Variants in SPAG16 observed in about 807,000 individuals in gnomAD.
The protein encoded by SPAG16 is sperm-associated antigen 16 protein.
A neutral mutation model predicts 80.4 loss-of-function variants in SPAG16; 86 were observed. The ratio of observed to expected loss-of-function variants is 1.07; its 90% CI spans 0.90 to 1.28. The LOEUF is 1.28. Among genes scored for constraint, SPAG16 ranks in the 50% most tolerant of loss-of-function variants. SPAG16 has a pLI of 0.00. For synonymous variants in SPAG16, 294 were observed against 265.9 expected, an observed-to-expected ratio of 1.11 and a Z score of -1.03; for missense variants, 870 against 765.3, an observed-to-expected ratio of 1.14 and a Z score of -1.61.
chr2:214,222,791 T>C (rs2058611828), intron 15 of SPAG16, among the ~76,000 whole-genome samples: 1 of 152,146 alleles, frequency 6.6e-6, no homozygotes, highest in Admixed American at 6.6e-5. Context: ...CACTTTAAAA[T>C]TGACTGGGAG....
At chr2:213,478,920 G>T (rs2073582590) in intron 9 of SPAG16, among the ~76,000 whole-genome samples, 2 of 151,958 alleles carry the variant, frequency 1.3e-5, no homozygotes, top group African/African-American at 4.8e-5. Flanking sequence ...ATAAATCAAG[G>T]ATAAGGATAG....
At chr2:213,453,907 A>C (rs2125586057) in intron 9 of SPAG16, among the ~76,000 whole-genome samples, 1 of 152,344 alleles carries the variant, frequency 6.6e-6, no homozygotes, top group Non-Finnish European at 1.5e-5. Context: ...TTCAATATTA[A>C]AAAGCAAATT....
chr2:213,689,785 T>C (rs1401799437), intron 10 of SPAG16, among the ~76,000 whole-genome samples: 3 of 152,178 alleles, frequency 2.0e-5, no homozygotes, highest in Non-Finnish European at 2.9e-5. Context: ...TTTACAGATG[T>C]CTGGAATTTT....
intron 10 of SPAG16, among the ~76,000 whole-genome samples, chr2:213,739,201 G>A (rs370170281): frequency 2.0e-5 from 3 of 152,080 alleles, no homozygotes; most frequent in South Asian, 2.1e-4. Flanking sequence ...TATTTCCCAC[G>A]TAGCCTCAGT....
intron 10 of SPAG16, among the ~76,000 whole-genome samples, chr2:213,726,249 C>T (rs2066765459): frequency 6.6e-6 from 1 of 152,210 alleles, no homozygotes; most frequent in Admixed American, 6.5e-5. Flanking sequence ...TCTCTCTCAT[C>T]CCTAGCATTG....
chr2:214,350,753 C>T (rs1040570771), intron 15 of SPAG16, among the ~76,000 whole-genome samples: 3 of 152,044 alleles, frequency 2.0e-5, no homozygotes, highest in Admixed American at 6.6e-5. Flanking sequence ...TAATAAGCTC[C>T]TAGAAGCCTA....
intron 10 of SPAG16, among the ~76,000 whole-genome samples, chr2:213,701,229 G>A (rs1332723888): frequency 6.8e-6 from 1 of 147,468 alleles, no homozygotes; most frequent in East Asian, 2.0e-4. Context: ...GACAGAGAGA[G>A]ATTCCATCTA....
chr2:213,431,209 C>G (rs371617662), intron 9 of SPAG16, among the ~76,000 whole-genome samples: 2 of 151,810 alleles, frequency 1.3e-5, no homozygotes, highest in East Asian at 3.9e-4. Context: ...TCCACCAAAC[C>G]AGAAAGACAA....
intron 14 of SPAG16, among the ~76,000 whole-genome samples, chr2:214,141,959 G>A (rs1486510687): frequency 6.6e-6 from 1 of 151,908 alleles, no homozygotes; most frequent in Non-Finnish European, 1.5e-5. Flanking sequence ...TTACACCTTT[G>A]GATACTGCTG....
intron 10 of SPAG16, among the ~76,000 whole-genome samples, chr2:213,803,299 A>C (rs1236181459): frequency 1.3e-5 from 2 of 152,192 alleles, no homozygotes; most frequent in Non-Finnish European, 2.9e-5. Context: ...ACTCAAGATT[A>C]CCCTACTAAA....
At chr2:214,145,078 A>G (rs1348322007) in intron 14 of SPAG16, among the ~76,000 whole-genome samples, 2 of 152,120 alleles carry the variant, frequency 1.3e-5, no homozygotes, top group African/African-American at 4.8e-5. Context: ...ATATGTTTAT[A>G]TTAAGGAATA....
chr2:214,108,562 C>A lies in SPAG16; in HGVS notation c.1593+301C>A, dbSNP rs116761479. Among the ~76,000 whole-genome samples, 1,372 of 151,650 alleles carry A rather than the reference C, an allele frequency of 9.0e-3. 23 individuals are homozygous for A. Among genetic ancestry groups the A allele is most frequent in the African/African-American group, 0.031 (1,295 of 41,340 alleles). On this transcript the variant is annotated intron_variant, in intron 14 of 15. Coordinates refer to ENST00000331683, the MANE Select transcript of SPAG16 (RefSeq NM_024532.5). ...TTTACTTAAACACATTTTTAAGAGCCTTTTGTCCAATTTGGGCTTCAAAAA... is the reference window on the plus strand; with the variant it reads ...TTTACTTAAACACATTTTTAAGAGCATTTTGTCCAATTTGGGCTTCAAAAA...
chr2:213,512,706 A>G (rs973497495), intron 10 of SPAG16, among the ~76,000 whole-genome samples: 2 of 152,158 alleles, frequency 1.3e-5, no homozygotes, highest in Admixed American at 1.3e-4. Context: ...AAACACTGCC[A>G]GGATTTTCCA....
At chr2:213,328,440 G>T (rs1191810672) in intron 5 of SPAG16, among the ~76,000 whole-genome samples, 1 of 152,054 alleles carries the variant, frequency 6.6e-6, no homozygotes, top group Non-Finnish European at 1.5e-5. Context: ...TTCTAAATGA[G>T]AATTCAAGTG....
chr2:214,103,141 TAACAC>T (rs1344926266), intron 13 of SPAG16, among the ~76,000 whole-genome samples: 1 of 152,162 alleles, frequency 6.6e-6, no homozygotes, highest in Non-Finnish European at 1.5e-5. Context: ...TTTTGTCTCT[TAACAC>T]ACATGCCCAA....
At chr2:214,187,834 G>A (rs748333130) in intron 15 of SPAG16, among the ~76,000 whole-genome samples, 14 of 151,412 alleles carry the variant, frequency 9.2e-5, no homozygotes, top group Admixed American at 2.0e-4. Flanking sequence ...AAAAAAAAAT[G>A]TAAACAAAAT....
At chr2:213,461,775 T>C (rs2072378372) in intron 9 of SPAG16, among the ~76,000 whole-genome samples, 1 of 152,110 alleles carries the variant, frequency 6.6e-6, no homozygotes, top group Non-Finnish European at 1.5e-5. Context: ...AGCAAAGATA[T>C]AATAGGATAA....
intron 15 of SPAG16, among the ~76,000 whole-genome samples, chr2:214,157,315 G>C (rs747867175): frequency 6.6e-6 from 1 of 151,962 alleles, no homozygotes; most frequent in Non-Finnish European, 1.5e-5. Context: ...TTACAGTTCT[G>C]TAAAAGTCAG....
intron 9 of SPAG16, among the ~76,000 whole-genome samples, chr2:213,453,284 TA>T (rs1238820919): frequency 6.6e-6 from 1 of 152,234 alleles, no homozygotes; most frequent in African/African-American, 2.4e-5. Context: ...GTCTGGTTCA[TA>T]ATGATAAATA....
Sources: allele counts gnomAD v4.1 joint callset (sites outside exome capture counted in the v4.1 genomes callset), GRCh38; gene constraint gnomAD v4.1.1; transcripts MANE v1.5; gene names NCBI Gene and HGNC (gene_info 2026-07-23, HGNC 2026-07-21).